The following AUTS2 variants were observed in gnomAD, a reference collection of about 807,000 sequenced individuals.
The protein encoded by AUTS2 is autism susceptibility gene 2 protein.
A neutral mutation model predicts 112.4 loss-of-function variants in AUTS2; 17 were observed. The ratio of observed to expected loss-of-function variants is 0.15; its 90% CI spans 0.10 to 0.23. AUTS2 has a LOEUF of 0.23. AUTS2 is among the 10% of genes least tolerant of loss of function. The pLI, the probability that AUTS2 is intolerant of heterozygous loss-of-function variation, is 1.00. For missense variants in AUTS2, 1,510 were observed against 1,701.6 expected (o/e 0.89, Z 1.98); for synonymous variants, 751 against 702.7 (o/e 1.07, Z -1.09).
chr7:70,468,795 C>G (rs1372995854), intron 5 of AUTS2, among the ~76,000 whole-genome samples: 1 of 150,748 alleles, frequency 6.6e-6, no homozygotes, highest in Non-Finnish European at 1.5e-5. Flanking sequence ...TTTTTTTTAA[C>G]AAGCTTACTA....
intron 5 of AUTS2, among the ~76,000 whole-genome samples, chr7:70,451,249 A>C (rs1472159156): frequency 2.0e-5 from 3 of 152,150 alleles, no homozygotes; most frequent in Non-Finnish European, 4.4e-5. Flanking sequence ...CAAGAGTTGA[A>C]TAACTATTGG....
At chr7:70,123,366 TC>T (rs1348105788) in intron 3 of AUTS2, among the ~76,000 whole-genome samples, 1 of 152,158 alleles carries the variant, frequency 6.6e-6, no homozygotes, top group Non-Finnish European at 1.5e-5. Context: ...ATAGGTAAAC[TC>T]ATGTCACAGA....
At position 70,658,831 on chromosome 7, in the gene AUTS2, A is replaced by G. The variant is rs76074868; in HGVS notation, c.691-39738A>G. On this transcript the variant is annotated intron_variant, in intron 5 of 18. Coordinates refer to ENST00000342771, the MANE Select transcript of AUTS2 (RefSeq NM_015570.4). ...CCGTCATGGATAAAATCCAACTTTA[A>G]TGACAGTCTGAAGCCCTGAAGCACA... Among the ~76,000 whole-genome samples the G allele has an allele frequency of 2.4e-3, 363 of 152,294 alleles. 2 individuals are homozygous for G. The highest frequency in any genetic ancestry group is 8.1e-3 in the African/African-American group (337 of 41,554).
chr7:70,714,038 C>G (rs1290752858), intron 6 of AUTS2, among the ~76,000 whole-genome samples: 1 of 152,150 alleles, frequency 6.6e-6, no homozygotes, highest in Non-Finnish European at 1.5e-5. Context: ...ACTGTGTGAT[C>G]TACATGGGTT....
intron 2 of AUTS2, among the ~76,000 whole-genome samples, chr7:70,024,806 C>G (rs768826399): frequency 2.6e-5 from 4 of 152,154 alleles, no homozygotes; most frequent in Non-Finnish European, 5.9e-5. Flanking sequence ...CTTATTTTTG[C>G]TCTGAAGGCC....
In AUTS2 at chr7:69,962,658, C is replaced by A. The variant is rs547068152; in HGVS notation, c.522+63160C>A. Among the ~76,000 whole-genome samples, 12 of 151,788 alleles carry A rather than the reference C, an allele frequency of 7.9e-5. No homozygotes were observed. The East Asian group carries it at 1.7e-3, about 22-fold the overall frequency. Reference sequence around the variant, plus strand: ...GGAGGCTTTTGTAAAATGTTCAGGTCTGAGAGAATTTTGAGTTAGGTAAAG... The same window carrying A: ...GGAGGCTTTTGTAAAATGTTCAGGTATGAGAGAATTTTGAGTTAGGTAAAG... On this transcript the variant is annotated intron_variant, in intron 2 of 18. Transcript: ENST00000342771.
Position 70,725,422 on chromosome 7 carries a change from A to G in AUTS2, c.742+26802A>G, listed in dbSNP as rs75254148. On this transcript the variant is annotated intron_variant, in intron 6 of 18. Transcript: ENST00000342771. ...CCGTTAATCCTTTTTAATAAGGGCAACTGTTGAGGAGAATTATGTTGTAAG... is the reference window on the plus strand; with the variant it reads ...CCGTTAATCCTTTTTAATAAGGGCAGCTGTTGAGGAGAATTATGTTGTAAG... Among the ~76,000 whole-genome samples, 1,316 of 152,342 alleles carry G rather than the reference A, an allele frequency of 8.6e-3. 9 individuals are homozygous for G. Among genetic ancestry groups the G allele is most frequent in the Non-Finnish European group, 0.014 (966 of 68,040 alleles).
At chr7:70,326,957 G>A (rs1245424836) in intron 4 of AUTS2, among the ~76,000 whole-genome samples, 6 of 130,068 alleles carry the variant, frequency 4.6e-5, no homozygotes, top group South Asian at 2.4e-4. Flanking sequence ...TCGCTCTGTC[G>A]CCCAGGCTGG....
chr7:70,546,553 C>T (rs866999357), intron 5 of AUTS2, among the ~76,000 whole-genome samples: 6 of 152,072 alleles, frequency 3.9e-5, no homozygotes, highest in Non-Finnish European at 7.4e-5. Context: ...CCAAGATGGG[C>T]GGATCACGAG....
intron 1 of AUTS2, among the ~76,000 whole-genome samples, chr7:69,679,032 G>T (rs899165739): frequency 2.6e-5 from 4 of 152,232 alleles, no homozygotes; most frequent in African/African-American, 9.6e-5. Context: ...TGGCCATGCT[G>T]TCGCCATAGT....
intron 5 of AUTS2, among the ~76,000 whole-genome samples, chr7:70,443,039 C>T (rs763650581): frequency 7.2e-5 from 11 of 152,070 alleles, no homozygotes; most frequent in Non-Finnish European, 1.6e-4. Context: ...CATTTTCAGG[C>T]AAAACCAAAA....
intron 5 of AUTS2, among the ~76,000 whole-genome samples, chr7:70,669,590 A>G (rs1271315031): frequency 6.6e-6 from 1 of 152,204 alleles, no homozygotes; most frequent in Non-Finnish European, 1.5e-5. Context: ...AGTAGGATTA[A>G]AACCCAGGTC....
At chr7:70,102,196 G>C (rs574280193) in intron 2 of AUTS2, among the ~76,000 whole-genome samples, 1 of 141,886 alleles carries the variant, frequency 7.0e-6, no homozygotes, top group Non-Finnish European at 1.5e-5. Flanking sequence ...TCGGCTCACC[G>C]CAAGCTCTGG....
At chr7:70,495,981 A>G (rs1585215886) in intron 5 of AUTS2, among the ~76,000 whole-genome samples, 1 of 129,750 alleles carries the variant, frequency 7.7e-6, no homozygotes. Context: ...CATCGATCAC[A>G]CACACCACTC....
chr7:70,156,627 T>C (rs1807777374), intron 4 of AUTS2, among the ~76,000 whole-genome samples: 1 of 152,048 alleles, frequency 6.6e-6, no homozygotes, highest in Non-Finnish European at 1.5e-5. Flanking sequence ...TGTGATTCCT[T>C]CTCTCTCCAC....
chr7:69,900,408 T>G (rs1794920709), intron 2 of AUTS2, among the ~76,000 whole-genome samples: 2 of 152,242 alleles, frequency 1.3e-5, no homozygotes, highest in East Asian at 3.8e-4. Context: ...GGTTTGCAGA[T>G]GTTTCTCTGC....
At chr7:69,816,326 G>T (rs375223728) in intron 1 of AUTS2, among the ~76,000 whole-genome samples, 2 of 152,234 alleles carry the variant, frequency 1.3e-5, no homozygotes, top group East Asian at 3.8e-4. Context: ...TTAGCAGATT[G>T]AATCAGTTGG....
intron 2 of AUTS2, among the ~76,000 whole-genome samples, chr7:69,900,382 G>C (rs2129540620): frequency 6.6e-6 from 1 of 152,292 alleles, no homozygotes; most frequent in Middle Eastern, 3.4e-3. Flanking sequence ...AATTAGAGGT[G>C]GAATAGGTAA....
intron 2 of AUTS2, among the ~76,000 whole-genome samples, chr7:69,929,468 C>A (rs556485447): frequency 1.6e-4 from 25 of 151,816 alleles, no homozygotes; most frequent in Non-Finnish European, 3.5e-4. Flanking sequence ...TTCTGCTTTA[C>A]CTTTTCAGGG....
Sources: allele counts gnomAD v4.1 joint callset (sites outside exome capture counted in the v4.1 genomes callset), GRCh38; gene constraint gnomAD v4.1.1; transcripts MANE v1.5; gene names NCBI Gene and HGNC (gene_info 2026-07-23, HGNC 2026-07-21).